Variants in EDA observed in about 807,000 individuals in gnomAD.
EDA encodes ectodysplasin A, also known as ectodysplasin-A.
A neutral mutation model predicts 23.6 loss-of-function variants in EDA; 2 were observed. That is an observed-to-expected ratio of 0.08 (90% CI 0.03 to 0.27). The LOEUF (loss-of-function observed/expected upper bound fraction) is 0.27, where lower values mean the gene tolerates loss of function less well. EDA is among the 10% of genes least tolerant of loss of function. EDA has a pLI of 1.00. For synonymous variants in EDA, 131 were observed against 132.0 expected (o/e 0.99, Z 0.05); for missense variants, 229 against 324.2 (o/e 0.71, Z 2.26).
intron 1 of EDA, among the ~76,000 whole-genome samples, chrX:69,785,883 T>C (rs926230350): frequency 1.8e-5 from 2 of 109,586 alleles, no homozygotes; most frequent in South Asian, 4.0e-4. Context: ...AGTTCCTCCT[T>C]GTACCTCTGG....
intron 1 of EDA, among the ~76,000 whole-genome samples, chrX:69,793,469 G>A (rs1255514465): frequency 1.9e-5 from 2 of 106,838 alleles, no homozygotes; most frequent in East Asian, 5.9e-4. Flanking sequence ...AAGGACCCAG[G>A]TACTTTCCGT....
intron 1 of EDA, among the ~76,000 whole-genome samples, chrX:69,753,549 T>C (rs1218539871): frequency 8.9e-6 from 1 of 112,234 alleles, no homozygotes; most frequent in East Asian, 2.8e-4. Context: ...AGAATGTATA[T>C]TCTGTTGATA....
intron 7 of EDA, among the ~76,000 whole-genome samples, chrX:70,035,008 C>T (rs571518191): frequency 1.7e-4 from 16 of 96,953 alleles, no homozygotes; most frequent in African/African-American, 5.7e-4. Context: ...ACACCTGCTA[C>T]GTGCAGAGCA....
intron 2 of EDA, 177 bp downstream of exon 2, chrX:69,957,309 T>G: frequency 2.3e-6 from 1 of 436,903 alleles, no homozygotes; most frequent in Non-Finnish European, 4.1e-6. Context: ...CTGGCCAACA[T>G]GGTGAAACCC....
chrX:69,832,756 T>G (rs1288253663), intron 1 of EDA, among the ~76,000 whole-genome samples: 1 of 111,541 alleles, frequency 9.0e-6, no homozygotes, highest in African/African-American at 3.3e-5. Context: ...GTCCTTCACA[T>G]CCCTTGTAAG....
intron 1 of EDA, among the ~76,000 whole-genome samples, chrX:69,884,743 C>T (rs2017802713): frequency 9.0e-6 from 1 of 111,729 alleles, no homozygotes; most frequent in South Asian, 3.7e-4. Flanking sequence ...AATTGTTTCC[C>T]CCTTTTGGCT....
intron 2 of EDA, among the ~76,000 whole-genome samples, chrX:69,963,610 A>G (rs1429831668): frequency 1.8e-5 from 2 of 111,941 alleles, no homozygotes; most frequent in Non-Finnish European, 3.8e-5. Context: ...TAGCTTGCTC[A>G]TACTCCAAAA....
chrX:69,902,146 A>G (rs1259861606), intron 1 of EDA, among the ~76,000 whole-genome samples: 1 of 104,856 alleles, frequency 9.5e-6, no homozygotes, highest in Non-Finnish European at 2.0e-5. Context: ...TTGTAATGTT[A>G]TAAATAGAGA....
At chrX:69,635,449 C>G (rs529377185) in intron 1 of EDA, among the ~76,000 whole-genome samples, 1 of 110,982 alleles carries the variant, frequency 9.0e-6, no homozygotes, top group African/African-American at 3.3e-5. Context: ...CCTGCTTTTC[C>G]TCCCCTGTTC....
At chrX:69,895,395 T>TAGACAC (rs2017997378) in intron 1 of EDA, among the ~76,000 whole-genome samples, 1 of 86,152 alleles carries the variant, frequency 1.2e-5, no homozygotes, top group Non-Finnish European at 2.3e-5. Context: ...TTTCTCAACC[T>TAGACAC]ACACACACAC....
At chrX:69,773,258 A>C (rs1269171536) in intron 1 of EDA, among the ~76,000 whole-genome samples, 1 of 112,582 alleles carries the variant, frequency 8.9e-6, no homozygotes, top group Admixed American at 9.4e-5. Context: ...TTTAAGGCTG[A>C]ATAATATTCC....
intron 2 of EDA, among the ~76,000 whole-genome samples, chrX:69,981,795 A>T (rs187074244): frequency 8.9e-6 from 1 of 112,286 alleles, no homozygotes; most frequent in Non-Finnish European, 1.9e-5. Context: ...GCTCAGAAAG[A>T]TTAGGTAATT....
chrX:69,623,802 G>T (rs1462359535), intron 1 of EDA, among the ~76,000 whole-genome samples: 2 of 109,351 alleles, frequency 1.8e-5, no homozygotes, highest in African/African-American at 6.6e-5. Flanking sequence ...TTAAATAACT[G>T]TCTGCAATCA....
At chrX:69,952,383 G>A (rs780107450) in intron 1 of EDA, among the ~76,000 whole-genome samples, 83 of 111,680 alleles carry the variant, frequency 7.4e-4, no homozygotes, top group African/African-American at 1.6e-3. Context: ...GGCAGCAGGC[G>A]AAGAGAGAGA....
At chrX:69,930,679 G>T (rs781029885) in intron 1 of EDA, among the ~76,000 whole-genome samples, 2 of 110,844 alleles carry the variant, frequency 1.8e-5, no homozygotes, top group Non-Finnish European at 3.8e-5. Flanking sequence ...TCTAGCCAGT[G>T]AAATAAGGAA....
intron 1 of EDA, among the ~76,000 whole-genome samples, chrX:69,952,366 C>G (rs758316484): frequency 1.8e-4 from 20 of 111,842 alleles, no homozygotes; most frequent in African/African-American, 6.2e-4. Context: ...TCACGTCTTA[C>G]ATGGATGGCA....
At chrX:69,669,882 T>C in intron 1 of EDA, among the ~76,000 whole-genome samples, 1 of 111,637 alleles carries the variant, frequency 9.0e-6, no homozygotes, top group East Asian at 2.8e-4. Flanking sequence ...TGTCTATGAG[T>C]TGTTCACTGT....
intron 1 of EDA, among the ~76,000 whole-genome samples, chrX:69,657,468 A>G (rs1311658126): frequency 8.9e-6 from 1 of 111,913 alleles, no homozygotes; most frequent in Non-Finnish European, 1.9e-5. Flanking sequence ...ACTGTGCAGA[A>G]GCTCTTTTGT....
chrX:69,654,586 G>A (rs1252743207), intron 1 of EDA, among the ~76,000 whole-genome samples: 2 of 111,864 alleles, frequency 1.8e-5, no homozygotes, highest in Admixed American at 1.9e-4. Flanking sequence ...AGGAAATGTG[G>A]CACATATACA....
Sources: gnomAD v4.1 joint callset for allele counts (sites outside exome capture counted in the v4.1 genomes callset) on GRCh38, gnomAD v4.1.1 for gene constraint, MANE v1.5 for transcripts, NCBI Gene and HGNC (gene_info 2026-07-23, HGNC 2026-07-21) for gene names.